The following TRIM66 variants were observed in gnomAD, a reference collection of about 807,000 sequenced individuals.
The protein encoded by TRIM66 is tripartite motif containing 66.
TRIM66 carries 99 observed loss-of-function variants against 148.2 expected under a neutral mutation model. The ratio of observed to expected loss-of-function variants is 0.67; its 90% CI spans 0.57 to 0.79. TRIM66 has a LOEUF of 0.79. Among genes scored for constraint, TRIM66 ranks in the 30% least tolerant of loss-of-function variants. TRIM66 has a pLI of 0.00. For missense variants in TRIM66, 1,666 were observed against 1,697.9 expected (o/e 0.98, Z 0.33); for synonymous variants, 616 against 635.9 (o/e 0.97, Z 0.47).
intron 1 of TRIM66, chr11:8,682,261 C>T (rs1413391728): frequency 1.3e-5 from 2 of 153,460 alleles, no homozygotes; most frequent in Non-Finnish European, 2.9e-5. Context: ...TCGGGAGCCG[C>T]CCGAGCTTCA....
intron 15 of TRIM66, among the ~76,000 whole-genome samples, chr11:8,636,904 C>T (rs2035927899): frequency 1.3e-5 from 2 of 152,198 alleles, no homozygotes; most frequent in African/African-American, 2.4e-5. Flanking sequence ...TCCCATTCCC[C>T]AGTGCATCTC....
In TRIM66 at chr11:8,620,140, T is replaced by C; in HGVS notation, c.3673-16A>G. 1 of 1,551,072 alleles carries C rather than the reference T, an allele frequency of 6.4e-7. No homozygotes were observed. The highest frequency in any genetic ancestry group is 8.7e-7 in the Non-Finnish European group (1 of 1,146,462). On this transcript the variant is annotated splice_polypyrimidine_tract_variant and intron_variant, in intron 21 of 24. Coordinates refer to ENST00000646038, the MANE Select transcript of TRIM66 (RefSeq NM_001388022.1). Reference sequence around the variant, plus strand: ...TCTCACACTTCTGCAAAATCAGAATTGGCAACAGAGTCACTTTGTTCTGGT... The same window carrying C: ...TCTCACACTTCTGCAAAATCAGAATCGGCAACAGAGTCACTTTGTTCTGGT...
chr11:8,649,884 A>T lies in TRIM66; in HGVS notation c.448T>A (p.Cys150Ser), dbSNP rs1378104751. 1.9e-6 allele frequency: 3 copies of T among 1,550,476 alleles called. No homozygotes were observed. The African/African-American group carries it at 4.1e-5, about 21-fold the overall frequency. ...GCCCTCTTCTCCTTGCACTCAGAGC[A>T]GTTCTGGAAGCAGAGAGTTCTGGAG... is the stretch of plus-strand genomic sequence containing the variant. ...PTEQPKMARN[C>S]SECKEKRAAH... is the part of the protein sequence containing the mutation. The change falls in exon 8 of 25, where the codon TGC becomes AGC. Residue 150 changes from cysteine (C) to serine (S), a missense_variant. Cys to Ser is a moderately radical substitution (Grantham distance 112, BLOSUM62 -1). Coordinates refer to ENST00000646038, the MANE Select transcript of TRIM66 (RefSeq NM_001388022.1).
At position 8,641,135 on chromosome 11, in the gene TRIM66, C is replaced by G; in HGVS notation, c.1240G>C (p.Gly414Arg). 6.5e-7 allele frequency: 1 copy of G among 1,550,104 alleles called. No homozygotes were observed. The highest frequency in any genetic ancestry group is 1.2e-5 in the South Asian group (1 of 84,028). ...GCATCTGCCCTGGACATTTGTCCACCTTCAGTAGTTATGCAGCCTGAAAAT... is the reference window on the plus strand; with the variant it reads ...GCATCTGCCCTGGACATTTGTCCACGTTCAGTAGTTATGCAGCCTGAAAAT... ...LASLGCITTE[G>R]GQMSRADAPA... Residue 414 changes from glycine to arginine, a missense_variant, in exon 14 of 25, where the codon GGT becomes CGT. By Grantham distance (125) the Gly-to-Arg change is moderately radical. This residue lies in a region of TRIM66 where 1,431 missense variants were observed against 1,412.4 expected (regional missense o/e 1.01). Transcript: ENST00000646038.
chr11:8,618,808 A>C lies in TRIM66; in HGVS notation c.4061T>G (p.Phe1354Cys), dbSNP rs763370173. The C allele has an allele frequency of 6.4e-7, 1 of 1,551,336 alleles. No individual in the cohort carries two copies. Among genetic ancestry groups the C allele is most frequent in the South Asian group, 1.2e-5 (1 of 84,046 alleles). ...SESGCSTPQG[F>C]PWPPYMQEGI... ...CTCCTGCATGTAGGGAGGCCACGGG[A>C]AGCCCTGGGGAGTGGAACATCCACT... Residue 1354 changes from phenylalanine (F) to cysteine (C), a missense_variant, in exon 24 of 25, where the codon TTC becomes TGC. Phe to Cys is a radical substitution (Grantham distance 205). This residue lies in a region of TRIM66 where 204 missense variants were observed against 231.0 expected (regional missense o/e 0.88). Coordinates refer to ENST00000646038, the MANE Select transcript of TRIM66 (RefSeq NM_001388022.1).
At chr11:8,625,453 C>T (rs183534676) in intron 15 of TRIM66, among the ~76,000 whole-genome samples, 306 of 107,656 alleles carry the variant, frequency 2.8e-3, no homozygotes, top group African/African-American at 9.8e-3. Context: ...GAGGCACAAG[C>T]GGAGAACTAT....
intron 6 of TRIM66, among the ~76,000 whole-genome samples, chr11:8,665,392 A>C (rs2038524137): frequency 6.6e-6 from 1 of 152,234 alleles, no homozygotes; most frequent in Non-Finnish European, 1.5e-5. Flanking sequence ...GATATCTGCC[A>C]GTCCTAGTAC....
chr11:8,681,104 G>C (rs1320446206), intron 1 of TRIM66, among the ~76,000 whole-genome samples: 1 of 151,840 alleles, frequency 6.6e-6, no homozygotes, highest in Non-Finnish European at 1.5e-5. Flanking sequence ...GAGCTTGGCT[G>C]TAAGGGCAAG....
At chr11:8,661,081 T>C (rs190165804) in intron 6 of TRIM66, among the ~76,000 whole-genome samples, 1 of 152,314 alleles carries the variant, frequency 6.6e-6, no homozygotes, top group Admixed American at 6.5e-5. Flanking sequence ...GGGTCAAAGC[T>C]AGAGGATTTG....
intron 15 of TRIM66, among the ~76,000 whole-genome samples, chr11:8,633,696 C>G (rs531117395): frequency 6.6e-6 from 1 of 152,270 alleles, no homozygotes; most frequent in East Asian, 1.9e-4. Context: ...AGGTTGAGGA[C>G]CCACAATCTG....
intron 1 of TRIM66, chr11:8,682,365 T>A (rs919564742): frequency 4.2e-5 from 7 of 168,462 alleles, no homozygotes; most frequent in African/African-American, 1.7e-4. Flanking sequence ...GTAGCCACTA[T>A]CACCAGCCCC....
At position 8,617,875 on chromosome 11, in the gene TRIM66, G is replaced by GC; in HGVS notation, c.*68dup. The GC allele has an allele frequency of 3.5e-6, 5 of 1,441,190 alleles. No individual in the cohort carries two copies. Among genetic ancestry groups the GC allele is most frequent in the Non-Finnish European group, 4.8e-6 (5 of 1,046,484 alleles). 89.3% of individuals were successfully genotyped at this position (1,441,190 alleles called of 1,614,324 possible). ...ATCCACACTCTGAAGAGGATAAGCT[G>GC]CAAGATGGGGAGGAATGGTCGACAG... On this transcript the variant is annotated 3_prime_UTR_variant, in exon 25 of 25. Coordinates refer to ENST00000646038, the MANE Select transcript of TRIM66 (RefSeq NM_001388022.1).
chr11:8,639,537 A>C (rs2036187956), intron 14 of TRIM66, among the ~76,000 whole-genome samples: 1 of 152,250 alleles, frequency 6.6e-6, no homozygotes, highest in African/African-American at 2.4e-5. Context: ...CTGTGGCATT[A>C]CAGAAATGTC....
intron 4 of TRIM66, 115 bp from the exon 5 acceptor site, chr11:8,672,500 C>A: frequency 3.5e-6 from 4 of 1,153,658 alleles, no homozygotes; most frequent in Non-Finnish European, 4.7e-6. Flanking sequence ...TAAATAAAAC[C>A]AAGAGGGACA....
chr11:8,671,768 TG>T lies in TRIM66; in HGVS notation c.340+17del. ...TGTTATGTAGTGGGAGGTGAACTTG[TG>T]GTGCCTTTGTACTTACCATCTGCAA... On this transcript the variant is annotated intron_variant, in intron 6 of 24. Coordinates refer to ENST00000646038, the MANE Select transcript of TRIM66 (RefSeq NM_001388022.1). The T allele has an allele frequency of 9.2e-7, 1 of 1,088,284 alleles. No individual in the cohort carries two copies. The highest frequency in any genetic ancestry group is 1.4e-6 in the Non-Finnish European group (1 of 738,066). 67.4% of individuals were successfully genotyped at this position (1,088,284 alleles called of 1,614,324 possible). A position where few individuals can be genotyped will look rare whatever the true frequency, so the allele number is the denominator to read the frequency against.
rs1253716826 is a variant in TRIM66, at chr11:8,615,727, G to A, written c.*2217C>T. On this transcript the variant is annotated 3_prime_UTR_variant, in exon 25 of 25. Transcript: ENST00000646038. ...CTAGCACATTACTAAGACCCCCTCT[G>A]GCCCAGCAAGCTGATCCGTGAGCCC... is the stretch of plus-strand genomic sequence containing the variant. 4 of 152,096 alleles carry A rather than the reference G, an allele frequency of 2.6e-5. No homozygotes were observed. The East Asian group carries it at 7.7e-4, about 29-fold the overall frequency. The allele number at this position is 152,096 out of a possible 1,614,324, so 9.4% of individuals were successfully genotyped here.
At chr11:8,670,202 AG>A (rs748598820) in intron 6 of TRIM66, among the ~76,000 whole-genome samples, 6 of 151,904 alleles carry the variant, frequency 3.9e-5, no homozygotes, top group Non-Finnish European at 2.9e-5. Flanking sequence ...TAGTAGAGAT[AG>A]GGTTTCACCA....
chr11:8,617,966 GC>G lies in TRIM66; in HGVS notation c.4156del (p.Ala1386ProfsTer42). ...CTCTCACACCTGAGAGATGCTGTTG[GC>G]CAGGCGAAATGACATTCTTTTTGCT... is the stretch of plus-strand genomic sequence containing the variant. ...ERAKRMSFRL[A>X]NSISQV On this transcript the variant is annotated frameshift_variant, in exon 25 of 25. Transcript: ENST00000646038. LOFTEE classifies it high-confidence loss of function. The G allele has an allele frequency of 2.6e-6, 4 of 1,551,664 alleles. No homozygotes were observed. Among genetic ancestry groups the G allele is most frequent in the Non-Finnish European group, 3.5e-6 (4 of 1,146,994 alleles).
At chr11:8,636,968 G>C (rs2035934410) in intron 15 of TRIM66, among the ~76,000 whole-genome samples, 1 of 152,066 alleles carries the variant, frequency 6.6e-6, no homozygotes, top group South Asian at 2.1e-4. Context: ...AACTGCCCCA[G>C]GCTTTCTCTC....
Sources: allele counts gnomAD v4.1 joint callset (sites outside exome capture counted in the v4.1 genomes callset), GRCh38; gene constraint gnomAD v4.1.1; regional missense constraint gnomAD v4.1.1; transcripts MANE v1.5; gene names NCBI Gene and HGNC (gene_info 2026-07-23, HGNC 2026-07-21).